NAV3: variants seen among roughly 807,000 people sequenced by gnomAD.
NAV3 encodes pore membrane and/or filament interacting like protein 1.
In NAV3, 87 loss-of-function variants were observed where a neutral mutation model predicts 244.7. The ratio of observed to expected loss-of-function variants is 0.36; its 90% CI spans 0.30 to 0.42. The LOEUF is 0.42. Ranked by LOEUF, NAV3 falls within the 20% of genes least tolerant of loss-of-function variation. The probability of loss-of-function intolerance (pLI) is 1.00; values close to 1 mark genes in which losing one functional copy is unlikely to be tolerated. For synonymous variants in NAV3, 1,126 were observed against 1,042.2 expected (o/e 1.08, Z -1.55); for missense variants, 2,663 against 2,893.3 (o/e 0.92, Z 1.83).
At chr12:78,197,807 T>G (rs1346991438) in intron 35 of NAV3, among the ~76,000 whole-genome samples, 1 of 151,950 alleles carries the variant, frequency 6.6e-6, no homozygotes. Context: ...TCTGCAGACA[T>G]GATGAACATT....
intron 34 of NAV3, 142 bp from the exon 35 acceptor site, chr12:78,197,105 A>C (rs1197193943): frequency 3.6e-5 from 20 of 553,108 alleles, no homozygotes; most frequent in Non-Finnish European, 5.2e-5. Context: ...TTGTAGGAAA[A>C]GATTTTACAT....
Position 77,775,920 on chromosome 12 carries a change from G to A in NAV3, c.73-164399G>A, listed in dbSNP as rs186193345. The A allele has an allele frequency of 1.4e-3, 216 of 152,354 alleles. 1 individual carries two copies. The highest frequency in any genetic ancestry group is 4.4e-3 in the African/African-American group (184 of 41,582). The allele number at this position is 152,354 out of a possible 1,614,324, so 9.4% of individuals were successfully genotyped here. On this transcript the variant is annotated intron_variant, in intron 2 of 8. Transcript: ENST00000550042. ...TTGTGTACATGCATGATTGGCATGA[G>A]CCTTTGCAGTATCTTTTCATGAATT...
rs2137467444 is a variant in NAV3 at position 77,940,333 on chromosome 12, G to T, written c.258G>T (p.Trp86Cys). ...EKEDSKIYTDWANHYLAKSGH... is the reference protein window; with the variant it reads ...EKEDSKIYTDCANHYLAKSGH... ...CTGTTCAACAGATTTACACTGACTG[G>T]GCCAACCACTACCTAGCAAAATCAG... The change falls in exon 2 of 40, where the codon TGG becomes TGT. Residue 86 changes from tryptophan to cysteine, a missense_variant. Around this residue, in one of 6 missense-constraint regions of NAV3, gnomAD observed 1,521 missense variants for 1,497.0 expected, o/e 1.02. Coordinates refer to ENST00000397909, the MANE Select transcript of NAV3 (RefSeq NM_001024383.2). The T allele has an allele frequency of 6.2e-7, 1 of 1,613,224 alleles. No individual in the cohort carries two copies. The highest frequency in any genetic ancestry group is 8.5e-7 in the Non-Finnish European group (1 of 1,179,586).
intron 5 of NAV3, among the ~76,000 whole-genome samples, chr12:77,976,169 G>C (rs1398907522): frequency 6.6e-6 from 1 of 152,118 alleles, no homozygotes; most frequent in African/African-American, 2.4e-5. Context: ...GAGAAGGTCA[G>C]ATATTCACTT....
At chr12:77,939,327 A>G (rs1889639668) in intron 1 of NAV3, among the ~76,000 whole-genome samples, 2 of 151,794 alleles carry the variant, frequency 1.3e-5, no homozygotes, top group Non-Finnish European at 2.9e-5. Flanking sequence ...CCTTCTCCTC[A>G]CTTCTCAGGC....
chr12:77,831,990 C>G (rs1438418077), intron 1 of NAV3, among the ~76,000 whole-genome samples: 1 of 152,134 alleles, frequency 6.6e-6, no homozygotes, highest in Admixed American at 6.6e-5. Flanking sequence ...TGCTCTATTA[C>G]TAATAATCAT....
chr12:78,054,210 A>T (rs1883163565), intron 11 of NAV3, among the ~76,000 whole-genome samples: 2 of 152,218 alleles, frequency 1.3e-5, no homozygotes, highest in Non-Finnish European at 2.9e-5. Flanking sequence ...AAATACATAT[A>T]TAAGAAAAGT....
chr12:77,645,642 T>C (rs1288525081), intron 2 of NAV3, among the ~76,000 whole-genome samples: 1 of 151,996 alleles, frequency 6.6e-6, no homozygotes, highest in African/African-American at 2.4e-5. Context: ...AAACCTGCTT[T>C]TTCTATTTCT....
intron 2 of NAV3, among the ~76,000 whole-genome samples, chr12:77,813,540 G>A (rs572663363): frequency 6.6e-6 from 1 of 152,176 alleles, no homozygotes; most frequent in African/African-American, 2.4e-5. Flanking sequence ...AGTTCTCTGT[G>A]CAATTCTGCA....
At chr12:78,160,933 C>T (rs1161187687) in intron 23 of NAV3, among the ~76,000 whole-genome samples, 1 of 151,488 alleles carries the variant, frequency 6.6e-6, no homozygotes, top group Non-Finnish European at 1.5e-5. Context: ...CCTTTCTCCT[C>T]CCTTACACCC....
chr12:77,736,339 AAG>A (rs1173608038), intron 2 of NAV3, among the ~76,000 whole-genome samples: 3 of 152,188 alleles, frequency 2.0e-5, no homozygotes, highest in Non-Finnish European at 4.4e-5. Context: ...CAAACACCTC[AAG>A]AGAGAATTTT....
chr12:78,009,826 A>G (rs1206474701), intron 8 of NAV3, among the ~76,000 whole-genome samples: 1 of 152,220 alleles, frequency 6.6e-6, no homozygotes, highest in Non-Finnish European at 1.5e-5. Flanking sequence ...AAATAATCCC[A>G]TGTAAAATTT....
chr12:78,188,835 GC>G (rs918746921), intron 33 of NAV3, 58 bp downstream of exon 33: 15 of 1,515,188 alleles, frequency 9.9e-6, no homozygotes, highest in Non-Finnish European at 1.1e-5. Flanking sequence ...ATTTTATTCT[GC>G]CCCCCGCCCC....
intron 2 of NAV3, among the ~76,000 whole-genome samples, chr12:77,694,851 G>T (rs1875220212): frequency 6.6e-6 from 1 of 152,168 alleles, no homozygotes. Flanking sequence ...TTTTGGAGAT[G>T]TTTTGAGTGT....
chr12:77,718,457 A>G (rs146995435), intron 2 of NAV3, among the ~76,000 whole-genome samples: 1 of 152,122 alleles, frequency 6.6e-6, no homozygotes, highest in East Asian at 1.9e-4. Flanking sequence ...TGTCAGTGCC[A>G]CATCATTTTG....
rs370707949 is a variant in NAV3, at chr12:78,180,939, T to C, written c.5586T>C (p.Pro1862=). 1.9e-6 allele frequency: 3 copies of C among 1,613,122 alleles called. No homozygotes were observed. In the African/African-American group the frequency reaches 4.0e-5, roughly 22 times the overall value. The part of the protein sequence containing the change: ...LKAETGNTAK[P]TRPPSESSSS... ...CAGAAACTGGTAACACAGCTAAGCC[T>C]ACTCGGCCACCGTCAGAATCCTCAA... Residue 1862 remains proline (P), a synonymous_variant, in exon 30 of 40, where the codon CCT becomes CCC. Coordinates refer to ENST00000397909, the MANE Select transcript of NAV3 (RefSeq NM_001024383.2).
chr12:77,696,657 T>C (rs1311766736), intron 2 of NAV3, among the ~76,000 whole-genome samples: 2 of 152,166 alleles, frequency 1.3e-5, no homozygotes, highest in Non-Finnish European at 2.9e-5. Context: ...CTGCCACATA[T>C]AACTAATATA....
intron 12 of NAV3, among the ~76,000 whole-genome samples, chr12:78,059,740 C>A (rs1453734773): frequency 1.3e-5 from 2 of 151,944 alleles, no homozygotes; most frequent in African/African-American, 4.8e-5. Flanking sequence ...GAATTATAAA[C>A]ATAGACTTAT....
intron 2 of NAV3, among the ~76,000 whole-genome samples, chr12:77,768,921 C>T (rs1217311522): frequency 6.6e-6 from 1 of 152,242 alleles, no homozygotes; most frequent in African/African-American, 2.4e-5. Flanking sequence ...TTACTCTCTT[C>T]TTCCTTAAAT....
Sources: allele counts gnomAD v4.1 joint callset (sites outside exome capture counted in the v4.1 genomes callset), GRCh38; gene constraint gnomAD v4.1.1; regional missense constraint gnomAD v4.1.1; transcripts MANE v1.5; gene names NCBI Gene and HGNC (gene_info 2026-07-23, HGNC 2026-07-21).